The following RAPH1 variants were observed in gnomAD, a reference collection of about 807,000 sequenced individuals.
RAPH1 encodes the protein ras-associated and pleckstrin homology domains-containing protein 1.
In RAPH1, 18 loss-of-function variants were observed where a neutral mutation model predicts 88.1. That is an observed-to-expected ratio of 0.20 (90% CI 0.14 to 0.30). The LOEUF (loss-of-function observed/expected upper bound fraction) is 0.30. Among genes scored for constraint, RAPH1 ranks in the 10% least tolerant of loss-of-function variants. The pLI is 1.00. For synonymous variants in RAPH1, 587 were observed against 559.0 expected (o/e 1.05, Z -0.71); for missense variants, 1,448 against 1,543.2 (o/e 0.94, Z 1.03).
rs764454536 is a variant in RAPH1, at chr2:203,438,104, CT to C, written c.*1332del. 7 of 517,312 alleles carry C rather than the reference CT, an allele frequency of 1.4e-5. No individual in the cohort carries two copies. Among genetic ancestry groups the C allele is most frequent in the Non-Finnish European group, 2.7e-5 (7 of 259,372 alleles). The allele number at this position is 517,312 out of a possible 1,614,324, so 32.0% of individuals were successfully genotyped here. ...CACGCATAAAACGTAATGTCAGTTA[CT>C]GGACTTGGACTGTCCCACTCCATCA... On this transcript the variant is annotated 3_prime_UTR_variant, in exon 14 of 14. Coordinates refer to ENST00000319170, the MANE Select transcript of RAPH1 (RefSeq NM_213589.3).
Position 203,489,794 on chromosome 2 carries a change from A to G in RAPH1, c.522T>C (p.Ser174=). Residue 174 remains serine, a synonymous_variant, in exon 4 of 14, where the codon TCT becomes TCC. Coordinates refer to ENST00000319170, the MANE Select transcript of RAPH1 (RefSeq NM_213589.3). ...SLSMDEAAQQ[S]VLEDTKPLVT... is the part of the protein sequence containing the mutation. ...CTAAGGGTTTAGTATCTTCTAGTACAGATTGCTGAGCAGCCTCATCCATAC... is the reference window on the plus strand; with the variant it reads ...CTAAGGGTTTAGTATCTTCTAGTACGGATTGCTGAGCAGCCTCATCCATAC... 1.2e-6 allele frequency: 2 copies of G among 1,614,228 alleles called. No individual in the cohort carries two copies. The highest frequency in any genetic ancestry group is 1.1e-5 in the South Asian group (1 of 91,088).
chr2:203,445,438 G>C (rs569844099), intron 12 of RAPH1: 2 of 158,360 alleles, frequency 1.3e-5, no homozygotes, highest in East Asian at 3.7e-4. Context: ...TAGGAATTCG[G>C]ATCTATACAC....
intron 9 of RAPH1, among the ~76,000 whole-genome samples, chr2:203,454,999 T>TG (rs2098518091): frequency 6.6e-6 from 1 of 152,098 alleles, no homozygotes; most frequent in South Asian, 2.1e-4. Flanking sequence ...GAAGACTAGA[T>TG]GAGATAATAC....
At position 203,434,223 on chromosome 2, in the gene RAPH1, T is replaced by C. The variant is rs940986076; in HGVS notation, c.*5214A>G. ...TAATCCTTTGAATAATAATGTCCTC[T>C]ACCTGGTACATTATAATGAAGTTCC... On this transcript the variant is annotated 3_prime_UTR_variant, in exon 14 of 14. Coordinates refer to ENST00000319170, the MANE Select transcript of RAPH1 (RefSeq NM_213589.3). 1 of 152,608 alleles carries C rather than the reference T, an allele frequency of 6.6e-6. No homozygotes were observed. The highest frequency in any genetic ancestry group is 1.5e-5 in the Non-Finnish European group (1 of 68,028). 9.5% of individuals were successfully genotyped at this position (152,608 alleles called of 1,614,324 possible). A position where few individuals can be genotyped will look rare whatever the true frequency, so the allele number is the denominator to read the frequency against.
intron 3 of RAPH1, 73 bp downstream of exon 3, chr2:203,491,141 A>G (rs1688246705): frequency 1.2e-6 from 1 of 828,732 alleles, no homozygotes; most frequent in East Asian, 2.7e-5. Flanking sequence ...TATATTGGGA[A>G]TTGCAGTTGT....
chr2:203,479,378 C>T (rs911941906), intron 4 of RAPH1, among the ~76,000 whole-genome samples: 11 of 152,140 alleles, frequency 7.2e-5, no homozygotes, highest in East Asian at 5.8e-4. Flanking sequence ...CTGAGGCGGG[C>T]GCATCACTTG....
chr2:203,510,233 G>A (rs771844303), intron 1 of RAPH1, among the ~76,000 whole-genome samples: 20 of 150,728 alleles, frequency 1.3e-4, no homozygotes, highest in Non-Finnish European at 2.5e-4. Context: ...CTGCTCAGGA[G>A]GCTAACGTAG....
At chr2:203,491,176 G>C (rs187799116) in intron 3 of RAPH1, 38 bp downstream of exon 3, 11 of 1,383,798 alleles carry the variant, frequency 7.9e-6, no homozygotes, top group Non-Finnish European at 1.1e-5. Flanking sequence ...GTGTGACTTA[G>C]CATACTATTT....
intron 4 of RAPH1, among the ~76,000 whole-genome samples, chr2:203,478,629 A>G (rs1016566854): frequency 2.0e-5 from 3 of 152,046 alleles, no homozygotes; most frequent in African/African-American, 7.2e-5. Context: ...AGCTGGGATT[A>G]CAGGCACCCG....
At chr2:203,510,249 T>C (rs1488620930) in intron 1 of RAPH1, among the ~76,000 whole-genome samples, 4 of 148,742 alleles carry the variant, frequency 2.7e-5, no homozygotes, top group Non-Finnish European at 4.4e-5. Context: ...CGTAGGAAAA[T>C]TGCTTGAACC....
At chr2:203,493,501 G>C (rs1221141996) in intron 2 of RAPH1, among the ~76,000 whole-genome samples, 1 of 152,158 alleles carries the variant, frequency 6.6e-6, no homozygotes, top group African/African-American at 2.4e-5. Flanking sequence ...CTCTCCCAGA[G>C]CAGGACTGCA....
At chr2:203,474,409 G>C (rs1428218337) in intron 4 of RAPH1, among the ~76,000 whole-genome samples, 1 of 152,200 alleles carries the variant, frequency 6.6e-6, no homozygotes, top group Non-Finnish European at 1.5e-5. Flanking sequence ...GAGTCGCAGA[G>C]ATGGGAAATC....
chr2:203,478,646 C>A (rs1445691822), intron 4 of RAPH1, among the ~76,000 whole-genome samples: 2 of 152,116 alleles, frequency 1.3e-5, no homozygotes, highest in Non-Finnish European at 2.9e-5. Context: ...CCCGCCACCG[C>A]ACCTGGCTAG....
Position 203,441,255 on chromosome 2 carries a change from AG to A in RAPH1, c.1934del (p.Pro645LeufsTer26). 4 of 174,724 alleles carry A rather than the reference AG, an allele frequency of 2.3e-5. No homozygotes were observed. Among genetic ancestry groups the A allele is most frequent in the Non-Finnish European group, 2.4e-5 (3 of 125,316 alleles). 10.8% of individuals were successfully genotyped at this position (174,724 alleles called of 1,614,324 possible). ...CAGACTGGCTGGGGAGTGGGGGAGG[AG>A]GGGGTGGTGGAGGGGGTGGTGGAGG... ...PPPPPPPPPP[P>X]PPPLPSQSAP... On this transcript the variant is annotated frameshift_variant, in exon 14 of 14. Coordinates refer to ENST00000319170, the MANE Select transcript of RAPH1 (RefSeq NM_213589.3). LOFTEE classifies it low-confidence loss of function (END_TRUNC).
At chr2:203,485,053 C>A (rs1365839686) in intron 4 of RAPH1, among the ~76,000 whole-genome samples, 2 of 152,126 alleles carry the variant, frequency 1.3e-5, no homozygotes, top group African/African-American at 4.8e-5. Flanking sequence ...CTTTTAACAG[C>A]CAATGAGGTT....
rs1206717258 is a variant in RAPH1, at chr2:203,438,758, T to C, written c.*679A>G. ...TTAATTACGCCATGTATTTACTTTC[T>C]ATGCACAACCACATACAGATGATGT... On this transcript the variant is annotated 3_prime_UTR_variant, in exon 14 of 14. Transcript: ENST00000319170. 1 of 154,762 alleles carries C rather than the reference T, an allele frequency of 6.5e-6. No individual in the cohort carries two copies. The highest frequency in any genetic ancestry group is 1.4e-5 in the Non-Finnish European group (1 of 69,724). The allele number at this position is 154,762 out of a possible 1,614,324, so 9.6% of individuals were successfully genotyped here.
chr2:203,520,736 C>T (rs1334772705), intron 1 of RAPH1, among the ~76,000 whole-genome samples: 1 of 151,828 alleles, frequency 6.6e-6, no homozygotes, highest in East Asian at 1.9e-4. Context: ...ATAAAGTTGG[C>T]AAAAATAGTG....
At chr2:203,450,185 TAA>T (rs2098513635) in intron 10 of RAPH1, among the ~76,000 whole-genome samples, 1 of 152,040 alleles carries the variant, frequency 6.6e-6, no homozygotes, top group South Asian at 2.1e-4. Flanking sequence ...GCCACCAACA[TAA>T]GTTATGTATC....
chr2:203,461,636 T>G (rs113210898), intron 5 of RAPH1, among the ~76,000 whole-genome samples: 4 of 152,346 alleles, frequency 2.6e-5, no homozygotes, highest in African/African-American at 9.6e-5. Context: ...ATGTTATGAT[T>G]ACTCCTTTAG....
Sources: allele counts gnomAD v4.1 joint callset (sites outside exome capture counted in the v4.1 genomes callset), GRCh38; gene constraint gnomAD v4.1.1; transcripts MANE v1.5; gene names NCBI Gene and HGNC (gene_info 2026-07-23, HGNC 2026-07-21).